Variants in NIBAN1 observed in about 807,000 individuals in gnomAD.
NIBAN1 encodes the protein protein Niban 1.
In NIBAN1, 81 loss-of-function variants were observed where a neutral mutation model predicts 75.1. That is an observed-to-expected ratio of 1.08 (90% CI 0.90 to 1.30). The LOEUF is 1.30. Ranked by LOEUF, NIBAN1 falls within the 50% of genes most tolerant of loss-of-function variation. NIBAN1 has a pLI of 0.00. For synonymous variants in NIBAN1, 436 were observed against 424.8 expected (o/e 1.03, Z -0.32); for missense variants, 1,133 against 1,128.1 (o/e 1.00, Z -0.06).
chr1:184,829,204 C>G (rs1050545075), intron 6 of NIBAN1, among the ~76,000 whole-genome samples: 5 of 152,036 alleles, frequency 3.3e-5, no homozygotes, highest in Non-Finnish European at 7.4e-5. Flanking sequence ...GTTTTTTATC[C>G]TGCAAAACTA....
At chr1:184,949,464 G>A (rs1002887662) in intron 1 of NIBAN1, among the ~76,000 whole-genome samples, 4 of 152,164 alleles carry the variant, frequency 2.6e-5, no homozygotes, top group Non-Finnish European at 4.4e-5. Flanking sequence ...CACAGTACAC[G>A]CATAACCTAA....
chr1:184,902,640 G>C (rs903841229), intron 1 of NIBAN1, among the ~76,000 whole-genome samples: 10 of 152,184 alleles, frequency 6.6e-5, no homozygotes, highest in African/African-American at 2.4e-4. Flanking sequence ...ATACAGAAGA[G>C]CTGCCCCACC....
At chr1:184,836,917 G>C (rs1341475804) in intron 5 of NIBAN1, among the ~76,000 whole-genome samples, 1 of 152,182 alleles carries the variant, frequency 6.6e-6, no homozygotes, top group African/African-American at 2.4e-5. Flanking sequence ...ATTGTAAGTT[G>C]CTTTATATAC....
chr1:184,955,808 T>C (rs1658474433), intron 1 of NIBAN1, among the ~76,000 whole-genome samples: 1 of 152,038 alleles, frequency 6.6e-6, no homozygotes, highest in Non-Finnish European at 1.5e-5. Flanking sequence ...GAATTGCCAA[T>C]GGAAAGATAC....
chr1:184,926,869 T>G (rs905931474), intron 1 of NIBAN1, among the ~76,000 whole-genome samples: 2 of 152,160 alleles, frequency 1.3e-5, no homozygotes, highest in Non-Finnish European at 2.9e-5. Flanking sequence ...CTCCTCTGAT[T>G]GTGTATTTTC....
intron 1 of NIBAN1, among the ~76,000 whole-genome samples, chr1:184,969,936 C>T (rs555917800): frequency 8.5e-5 from 13 of 152,060 alleles, no homozygotes; most frequent in African/African-American, 2.9e-4. Flanking sequence ...GAGGCCAAGG[C>T]AGGTGGCTCA....
intron 1 of NIBAN1, among the ~76,000 whole-genome samples, chr1:184,936,062 AG>A (rs1657952326): frequency 6.6e-6 from 1 of 152,102 alleles, no homozygotes; most frequent in Admixed American, 6.5e-5. Context: ...GTCTATTGAA[AG>A]GTTTACACTT....
intron 6 of NIBAN1, among the ~76,000 whole-genome samples, chr1:184,831,513 G>A (rs1223585419): frequency 2.0e-5 from 3 of 152,112 alleles, no homozygotes; most frequent in South Asian, 4.1e-4. Flanking sequence ...CATGCACTTC[G>A]CACTATTCCT....
chr1:184,875,027 G>C (rs1656197220), intron 5 of NIBAN1, among the ~76,000 whole-genome samples: 1 of 152,074 alleles, frequency 6.6e-6, no homozygotes, highest in African/African-American at 2.4e-5. Context: ...AATTGACATA[G>C]AGTATATATT....
chr1:184,864,495 A>G (rs1358247280), intron 5 of NIBAN1, among the ~76,000 whole-genome samples: 1 of 152,116 alleles, frequency 6.6e-6, no homozygotes, highest in Non-Finnish European at 1.5e-5. Context: ...CTTCCCTGAC[A>G]TTATTCCAGT....
chr1:184,807,393 T>G (rs1023663892), intron 10 of NIBAN1, among the ~76,000 whole-genome samples: 1 of 152,088 alleles, frequency 6.6e-6, no homozygotes, highest in Admixed American at 6.5e-5. Context: ...ATTGATTGGT[T>G]TACTCTTAAT....
intron 1 of NIBAN1, among the ~76,000 whole-genome samples, chr1:184,933,578 T>C (rs188394692): frequency 4.6e-5 from 7 of 152,330 alleles, no homozygotes; most frequent in African/African-American, 1.7e-4. Flanking sequence ...CATAGACCCC[T>C]GGGCATGTAA....
At chr1:184,796,970 A>G (rs1056355026) in intron 13 of NIBAN1, among the ~76,000 whole-genome samples, 4 of 152,106 alleles carry the variant, frequency 2.6e-5, no homozygotes, top group African/African-American at 9.7e-5. Context: ...CACTGTGCTG[A>G]CATCTTCATA....
At chr1:184,860,579 A>C (rs768532135) in intron 5 of NIBAN1, among the ~76,000 whole-genome samples, 4 of 152,234 alleles carry the variant, frequency 2.6e-5, no homozygotes, top group Admixed American at 6.5e-5. Context: ...TTAAGTATTT[A>C]CTGTATGTCA....
At chr1:184,925,382 T>C (rs1310187559) in intron 1 of NIBAN1, among the ~76,000 whole-genome samples, 1 of 152,164 alleles carries the variant, frequency 6.6e-6, no homozygotes, top group Non-Finnish European at 1.5e-5. Flanking sequence ...TGTCTTTTGA[T>C]TGGAGAGTTT....
chr1:184,938,130 G>A (rs1658007180), intron 1 of NIBAN1, among the ~76,000 whole-genome samples: 1 of 152,196 alleles, frequency 6.6e-6, no homozygotes, highest in Non-Finnish European at 1.5e-5. Flanking sequence ...CTGGGAAAGT[G>A]ACATGCTGAG....
chr1:184,933,205 C>A (rs1482270364), intron 1 of NIBAN1, among the ~76,000 whole-genome samples: 2 of 152,240 alleles, frequency 1.3e-5, no homozygotes, highest in Non-Finnish European at 2.9e-5. Flanking sequence ...TATGCCCCTG[C>A]TGCAGTGCCC....
rs572954646 is a variant in NIBAN1, at chr1:184,928,522, G to A, written c.56-29213C>T. Reference sequence around the variant, plus strand: ...ACTCAGGTTCTGACCACTGGGATGCGTGATTCCCCTCTGGCTAGGGCTTGT... The same window carrying A: ...ACTCAGGTTCTGACCACTGGGATGCATGATTCCCCTCTGGCTAGGGCTTGT... On this transcript the variant is annotated intron_variant, in intron 1 of 13. Coordinates refer to ENST00000367511, the MANE Select transcript of NIBAN1 (RefSeq NM_052966.4). Among the ~76,000 whole-genome samples, 20 of 152,274 alleles carry A rather than the reference G, an allele frequency of 1.3e-4. No homozygotes were observed. The South Asian group carries it at 1.7e-3, about 13-fold the overall frequency.
chr1:184,861,308 C>G lies in NIBAN1; in HGVS notation c.601+23325G>C, dbSNP rs1025458221. Among the ~76,000 whole-genome samples the G allele has an allele frequency of 2.0e-5, 3 of 152,306 alleles. No homozygotes were observed. In the East Asian group the frequency reaches 5.8e-4, roughly 29 times the overall value. On this transcript the variant is annotated intron_variant, in intron 5 of 13. Transcript: ENST00000367511. ...CTAAATCAAGTCCCTCTTATAATTT[C>G]TTGGTGCATCCTTTACACACGTATC... is the stretch of plus-strand genomic sequence containing the variant.
Sources: gnomAD v4.1 joint callset for allele counts (sites outside exome capture counted in the v4.1 genomes callset) on GRCh38, gnomAD v4.1.1 for gene constraint, MANE v1.5 for transcripts, NCBI Gene and HGNC (gene_info 2026-07-23, HGNC 2026-07-21) for gene names.